Variants in ARHGAP42 observed in about 807,000 individuals in gnomAD.
ARHGAP42 encodes the protein Rho GTPase activating protein 42, also known as rho GTPase-activating protein 42.
ARHGAP42 carries 63 observed loss-of-function variants against 125.0 expected under a neutral mutation model. The observed-to-expected ratio is 0.50, with a 90% CI of 0.41 to 0.62. ARHGAP42 has a LOEUF of 0.62. Ranked by LOEUF, ARHGAP42 falls within the 20% of genes least tolerant of loss-of-function variation. The pLI is 0.00. For synonymous variants in ARHGAP42, 339 were observed against 351.0 expected, an observed-to-expected ratio of 0.97 and a Z score of 0.38; for missense variants, 766 against 1,024.2, an observed-to-expected ratio of 0.75 and a Z score of 3.44.
intron 2 of ARHGAP42, among the ~76,000 whole-genome samples, chr11:100,786,657 AT>A (rs1237081606): frequency 6.6e-6 from 1 of 152,148 alleles, no homozygotes; most frequent in Non-Finnish European, 1.5e-5. Context: ...AGGAAAAACT[AT>A]TAGATATATA....
At chr11:100,848,232 G>C (rs777331328) in intron 3 of ARHGAP42, among the ~76,000 whole-genome samples, 1 of 152,060 alleles carries the variant, frequency 6.6e-6, no homozygotes, top group South Asian at 2.1e-4. Flanking sequence ...TGAATTATCC[G>C]AGAACGTGCA....
chr11:100,893,317 G>C (rs1056703518), intron 4 of ARHGAP42, among the ~76,000 whole-genome samples: 3 of 152,150 alleles, frequency 2.0e-5, no homozygotes, highest in African/African-American at 7.2e-5. Flanking sequence ...TCATGATATG[G>C]AGAGAAAATA....
At chr11:100,828,835 A>G (rs1053052377) in intron 3 of ARHGAP42, among the ~76,000 whole-genome samples, 1 of 151,954 alleles carries the variant, frequency 6.6e-6, no homozygotes, top group Admixed American at 6.6e-5. Flanking sequence ...TTACAGGCGG[A>G]AGCCACCATG....
At position 100,786,326 on chromosome 11, in the gene ARHGAP42, C is replaced by CA. The variant is rs1292640819; in HGVS notation, c.251-8774dup. Among the ~76,000 whole-genome samples the CA allele has an allele frequency of 2.6e-5, 4 of 152,146 alleles. No homozygotes were observed. The East Asian group carries it at 7.7e-4, about 29-fold the overall frequency. ...TTAGGCACAACACTTATTGCATTGA[C>CA]AAAAATCTCAGTAAAGTTTTCTGAA... On this transcript the variant is annotated intron_variant, in intron 2 of 23. Transcript: ENST00000298815.
intron 9 of ARHGAP42, among the ~76,000 whole-genome samples, 183 bp from the exon 10 acceptor site, chr11:100,943,576 A>G (rs1474939553): frequency 1.3e-5 from 2 of 152,162 alleles, no homozygotes; most frequent in African/African-American, 4.8e-5. Flanking sequence ...CATTAATTAA[A>G]TGGTTTTATG....
intron 1 of ARHGAP42, among the ~76,000 whole-genome samples, chr11:100,753,062 G>A (rs1191234739): frequency 6.6e-6 from 1 of 152,140 alleles, no homozygotes; most frequent in Non-Finnish European, 1.5e-5. Context: ...CTTGTGTTAA[G>A]TTACCAGGGC....
At chr11:100,878,614 T>C (rs1224972309) in intron 4 of ARHGAP42, among the ~76,000 whole-genome samples, 1 of 152,172 alleles carries the variant, frequency 6.6e-6, no homozygotes, top group Non-Finnish European at 1.5e-5. Flanking sequence ...TACCACATTC[T>C]CTCATTTGAG....
At chr11:100,941,307 GC>G (rs1867878988) in intron 8 of ARHGAP42, among the ~76,000 whole-genome samples, 4 of 152,150 alleles carry the variant, frequency 2.6e-5, no homozygotes, top group African/African-American at 9.6e-5. Flanking sequence ...TGGATAATAG[GC>G]TCTTTGATTT....
rs7926744 is a variant in ARHGAP42, at chr11:100,865,775, T to C, written c.384+6150T>C. Among the ~76,000 whole-genome samples, 282 of 152,342 alleles carry C rather than the reference T, an allele frequency of 1.9e-3. 2 individuals are homozygous for C. Among genetic ancestry groups the C allele is most frequent in the African/African-American group, 6.2e-3 (258 of 41,588 alleles). On this transcript the variant is annotated intron_variant, in intron 4 of 23. Transcript: ENST00000298815. ...TATTAAAAATATTTTATTACTAAAA[T>C]AGGCTAACAATTATCTGAGCCTTTA...
chr11:100,710,678 C>T (rs1752197861), intron 1 of ARHGAP42, among the ~76,000 whole-genome samples: 1 of 151,002 alleles, frequency 6.6e-6, no homozygotes, highest in Non-Finnish European at 1.5e-5. Flanking sequence ...GTAGCTGGGA[C>T]CACAGGCACA....
intron 20 of ARHGAP42, 62 bp downstream of exon 20, chr11:100,976,499 T>G: frequency 6.9e-7 from 1 of 1,456,388 alleles, no homozygotes; most frequent in East Asian, 2.5e-5. Flanking sequence ...GCTGGATTAT[T>G]CAGCATGGTT....
chr11:100,857,981 A>G (rs1406551687), intron 3 of ARHGAP42, among the ~76,000 whole-genome samples: 1 of 151,972 alleles, frequency 6.6e-6, no homozygotes, highest in Non-Finnish European at 1.5e-5. Context: ...TGTTGCTATT[A>G]CTCCAAGTTA....
Position 100,943,626 on chromosome 11 carries a change from CAG to C in ARHGAP42, c.934-132_934-131del, listed in dbSNP as rs147560813. On this transcript the variant is annotated intron_variant, in intron 9 of 23. Transcript: ENST00000298815. The stretch of plus-strand genomic sequence containing the variant: ...AGCTAACATCAGGAATAAAAAAAGA[CAG>C]GGTATGATTGTGACCTTTATACATA... 308 of 516,722 alleles carry C rather than the reference CAG, an allele frequency of 6.0e-4. 1 individual carries two copies. The highest frequency in any genetic ancestry group is 4.8e-3 in the African/African-American group (250 of 51,804). The allele number at this position is 516,722 out of a possible 1,614,324, so 32.0% of individuals were successfully genotyped here. A position where few individuals can be genotyped will look rare whatever the true frequency, so the allele number is the denominator to read the frequency against.
At chr11:100,786,758 G>A (rs1375878184) in intron 2 of ARHGAP42, among the ~76,000 whole-genome samples, 1 of 152,104 alleles carries the variant, frequency 6.6e-6, no homozygotes, top group Non-Finnish European at 1.5e-5. Flanking sequence ...TAACAATCTG[G>A]AGCAGTAGTA....
intron 2 of ARHGAP42, among the ~76,000 whole-genome samples, chr11:100,787,934 G>A (rs896451574): frequency 1.3e-5 from 2 of 152,112 alleles, no homozygotes; most frequent in Non-Finnish European, 2.9e-5. Flanking sequence ...CATCATAGGT[G>A]CTTGTAATAT....
intron 4 of ARHGAP42, among the ~76,000 whole-genome samples, chr11:100,884,843 G>C (rs1190015115): frequency 6.6e-6 from 1 of 152,112 alleles, no homozygotes; most frequent in Non-Finnish European, 1.5e-5. Context: ...AGAGAGCCTG[G>C]GTGGTCAATG....
intron 4 of ARHGAP42, among the ~76,000 whole-genome samples, chr11:100,894,884 G>A (rs778225065): frequency 6.6e-6 from 1 of 152,132 alleles, no homozygotes; most frequent in Non-Finnish European, 1.5e-5. Flanking sequence ...CCTACCGGTC[G>A]ATGACCTTAT....
At chr11:100,701,941 G>C (rs556139535) in intron 1 of ARHGAP42, among the ~76,000 whole-genome samples, 48 of 151,986 alleles carry the variant, frequency 3.2e-4, no homozygotes, top group African/African-American at 1.0e-3. Flanking sequence ...TTTTCGGACT[G>C]TCTTGGCTTT....
At chr11:100,918,054 A>C (rs1459453093) in intron 5 of ARHGAP42, among the ~76,000 whole-genome samples, 1 of 152,132 alleles carries the variant, frequency 6.6e-6, no homozygotes, top group Non-Finnish European at 1.5e-5. Context: ...CACTGTCTTC[A>C]TGTTAATCTT....
Sources: gnomAD v4.1 joint callset for allele counts (sites outside exome capture counted in the v4.1 genomes callset) on GRCh38, gnomAD v4.1.1 for gene constraint, MANE v1.5 for transcripts, NCBI Gene and HGNC (gene_info 2026-07-23, HGNC 2026-07-21) for gene names.